Variants in FAM76B observed in about 807,000 individuals in gnomAD.
The protein encoded by FAM76B is family with sequence similarity 76 member B.
Under a neutral mutation model 51.8 loss-of-function variants are expected in FAM76B, and 16 were observed. That is an observed-to-expected ratio of 0.31 (90% CI 0.21 to 0.47). The LOEUF (loss-of-function observed/expected upper bound fraction) is 0.47. FAM76B is among the 20% of genes least tolerant of loss of function. The pLI, the probability that FAM76B is intolerant of heterozygous loss-of-function variation, is 1.00. For synonymous variants in FAM76B, 166 were observed against 129.5 expected (o/e 1.28, Z -1.91); for missense variants, 342 against 392.6 (o/e 0.87, Z 1.09).
chr11:95,779,686 G>T lies in FAM76B; in HGVS notation c.613C>A (p.His205Asn). 1 of 1,607,658 alleles carries T rather than the reference G, an allele frequency of 6.2e-7. No homozygotes were observed. ...EEEQGLWKQSHKSSATIQNET... is the reference protein window; with the variant it reads ...EEEQGLWKQSNKSSATIQNET... ...TTCTGAATTGTTGCAGAGGATTTATGGCTGAAACCAAACATTAATAAGAAT... is the reference window on the plus strand; with the variant it reads ...TTCTGAATTGTTGCAGAGGATTTATTGCTGAAACCAAACATTAATAAGAAT... Residue 205 changes from histidine (H) to asparagine (N), a missense_variant and splice_region_variant, in exon 7 of 10, where the codon CAT (histidine) becomes AAT (asparagine). Physicochemically the swap from His to Asn is moderately conservative, Grantham distance 68 (BLOSUM62 1). Coordinates refer to ENST00000358780, the MANE Select transcript of FAM76B (RefSeq NM_144664.5).
chr11:95,776,587 CAACT>C (rs1424612074), intron 8 of FAM76B, among the ~76,000 whole-genome samples: 1 of 151,136 alleles, frequency 6.6e-6, no homozygotes, highest in South Asian at 2.1e-4. Flanking sequence ...CACAGAAATA[CAACT>C]AACACAGAAT....
At chr11:95,775,853 A>G in intron 9 of FAM76B, 69 bp downstream of exon 9, 1 of 1,003,174 alleles carries the variant, frequency 1.0e-6, no homozygotes, top group Non-Finnish European at 1.4e-6. Context: ...TAACAATCTA[A>G]GTCAATGAAT....
chr11:95,771,868 C>A (rs1033563162), intron 9 of FAM76B, among the ~76,000 whole-genome samples: 1 of 150,876 alleles, frequency 6.6e-6, no homozygotes, highest in South Asian at 2.1e-4. Flanking sequence ...TTGTATATGT[C>A]ATTATTAATA....
In FAM76B at chr11:95,783,074, C is replaced by T; in HGVS notation, c.554G>A (p.Ser185Asn). The change falls in exon 5 of 10, where the codon AGC (serine) becomes AAC (asparagine). Residue 185 changes from serine (S) to asparagine (N), a missense_variant. Physicochemically the swap from Ser to Asn is conservative, Grantham distance 46. Transcript: ENST00000358780. The part of the protein sequence containing the change: ...HHHHHHRHSS[S>N]HHKISNLSPE... ...ATTTCAAAGTACTTACTTGTGATGG[C>T]TACTGCTGTGACGATGGTGATGGTG... The T allele has an allele frequency of 1.9e-6, 3 of 1,613,692 alleles. No homozygotes were observed.
intron 1 of FAM76B, chr11:95,788,956 G>A (rs1299043079): frequency 2.2e-6 from 3 of 1,348,398 alleles, no homozygotes; most frequent in Non-Finnish European, 2.9e-6. Flanking sequence ...TCCTGGACAG[G>A]GAAGAAGGAT....
At position 95,783,394 on chromosome 11, in the gene FAM76B, T is replaced by G. The variant is rs55733130; in HGVS notation, c.364-130A>C. Reference sequence around the variant, plus strand: ...TGCACAAATGCATGTATGCACATATTCACGGATTTTCTGCAAAACAGAAAT... The same window carrying G: ...TGCACAAATGCATGTATGCACATATGCACGGATTTTCTGCAAAACAGAAAT... On this transcript the variant is annotated intron_variant, in intron 4 of 9. Coordinates refer to ENST00000358780, the MANE Select transcript of FAM76B (RefSeq NM_144664.5). 0.019 allele frequency: 12,370 copies of G among 660,834 alleles called. 1,073 individuals carry two copies. In the African/African-American group the frequency reaches 0.19, roughly 10 times the overall value. The allele number at this position is 660,834 out of a possible 1,614,324, so 40.9% of individuals were successfully genotyped here. A position where few individuals can be genotyped will look rare whatever the true frequency, so the allele number is the denominator to read the frequency against.
At position 95,788,425 on chromosome 11, in the gene FAM76B, G is replaced by A. The variant is rs905037156; in HGVS notation, c.152+74C>T. 11 of 1,180,442 alleles carry A rather than the reference G, an allele frequency of 9.3e-6. No individual in the cohort carries two copies. The African/African-American group carries it at 1.6e-4, about 17-fold the overall frequency. 73.1% of individuals were successfully genotyped at this position (1,180,442 alleles called of 1,614,324 possible). ...TTTAAAAATACTTTCATAAAAACATGGGATTACAACCCCCAAGTATTCCAT... is the reference window on the plus strand; with the variant it reads ...TTTAAAAATACTTTCATAAAAACATAGGATTACAACCCCCAAGTATTCCAT... On this transcript the variant is annotated intron_variant, in intron 2 of 9. Transcript: ENST00000358780.
At chr11:95,773,653 C>G (rs1859870268) in intron 9 of FAM76B, among the ~76,000 whole-genome samples, 1 of 151,194 alleles carries the variant, frequency 6.6e-6, no homozygotes, top group Non-Finnish European at 1.5e-5. Context: ...CTCCACCATC[C>G]GAACTCAAAA....
intron 5 of FAM76B, among the ~76,000 whole-genome samples, chr11:95,782,034 A>G (rs1013691550): frequency 2.6e-5 from 4 of 152,238 alleles, no homozygotes; most frequent in Admixed American, 2.0e-4. Context: ...GACTCACAGA[A>G]AAATTTAAGA....
At chr11:95,786,007 T>A in intron 4 of FAM76B, 112 bp downstream of exon 4, 4 of 1,330,566 alleles carry the variant, frequency 3.0e-6, no homozygotes, top group Non-Finnish European at 4.1e-6. Flanking sequence ...ACTACTTGCT[T>A]TCATGGACCT....
chr11:95,780,471 C>T (rs1591017223), intron 5 of FAM76B, among the ~76,000 whole-genome samples: 3 of 151,914 alleles, frequency 2.0e-5, no homozygotes, highest in Non-Finnish European at 4.4e-5. Context: ...GGAGAAGTTA[C>T]GCTGAAACTA....
At chr11:95,785,885 G>C (rs1319466010) in intron 4 of FAM76B, among the ~76,000 whole-genome samples, 2 of 152,174 alleles carry the variant, frequency 1.3e-5, no homozygotes, top group African/African-American at 4.8e-5. Context: ...CCAAATGTGG[G>C]ATAGCCAACT....
chr11:95,779,086 A>T (rs748001578), intron 7 of FAM76B, 129 bp from the exon 8 acceptor site: 2 of 1,588,932 alleles, frequency 1.3e-6, no homozygotes, highest in Non-Finnish European at 1.7e-6. Context: ...ACCTGACAGA[A>T]ATGGATGCAA....
chr11:95,784,145 G>A lies in FAM76B; in HGVS notation c.364-881C>T, dbSNP rs184564070. Among the ~76,000 whole-genome samples, 196 of 152,276 alleles carry A rather than the reference G, an allele frequency of 1.3e-3. 1 individual carries two copies. The highest frequency in any genetic ancestry group is 2.0e-3 in the Non-Finnish European group (136 of 68,030). The stretch of plus-strand genomic sequence containing the variant: ...AGATCATGTCCCTTCCAGGAATATG[G>A]ATGGAGCTGGAGGCCATTAACCTTA... On this transcript the variant is annotated intron_variant, in intron 4 of 9. Coordinates refer to ENST00000358780, the MANE Select transcript of FAM76B (RefSeq NM_144664.5).
At chr11:95,784,380 C>A (rs1860437144) in intron 4 of FAM76B, among the ~76,000 whole-genome samples, 1 of 151,946 alleles carries the variant, frequency 6.6e-6, no homozygotes, top group Middle Eastern at 3.2e-3. Flanking sequence ...GTGCAACAAA[C>A]CTCCATGACA....
chr11:95,784,073 A>G (rs1860420750), intron 4 of FAM76B, among the ~76,000 whole-genome samples: 1 of 152,210 alleles, frequency 6.6e-6, no homozygotes, highest in Admixed American at 6.5e-5. Context: ...TAAAGAAAAC[A>G]TGGTACGTAT....
At chr11:95,788,436 C>A in intron 2 of FAM76B, 63 bp downstream of exon 2, 1 of 1,287,484 alleles carries the variant, frequency 7.8e-7, no homozygotes, top group Non-Finnish European at 1.1e-6. Flanking sequence ...GGATTACAAC[C>A]CCCAAGTATT....
intron 9 of FAM76B, among the ~76,000 whole-genome samples, chr11:95,775,544 G>C (rs972718091): frequency 4.6e-5 from 7 of 151,268 alleles, no homozygotes; most frequent in African/African-American, 1.7e-4. Flanking sequence ...CCCATTATCT[G>C]GAAGGAAATA....
At chr11:95,778,374 C>T (rs2120221629) in intron 8 of FAM76B, among the ~76,000 whole-genome samples, 1 of 151,548 alleles carries the variant, frequency 6.6e-6, no homozygotes, top group Non-Finnish European at 1.5e-5. Context: ...TTACTGACTA[C>T]TACAGGAAAT....
Sources: gnomAD v4.1 joint callset for allele counts (sites outside exome capture counted in the v4.1 genomes callset) on GRCh38, gnomAD v4.1.1 for gene constraint, MANE v1.5 for transcripts, NCBI Gene and HGNC (gene_info 2026-07-23, HGNC 2026-07-21) for gene names.